PCDHGB5: variants seen among roughly 807,000 people sequenced by gnomAD.
The protein encoded by PCDHGB5 is protocadherin gamma subfamily B, 5.
A neutral mutation model predicts 62.9 loss-of-function variants in PCDHGB5; 48 were observed. That is an observed-to-expected ratio of 0.76 (90% CI 0.61 to 0.97). The LOEUF (loss-of-function observed/expected upper bound fraction) is 0.97. PCDHGB5 is among the 50% of genes least tolerant of loss of function. The pLI, the probability that PCDHGB5 is intolerant of heterozygous loss-of-function variation, is 0.00. For missense variants in PCDHGB5, 1,118 were observed against 1,198.6 expected (o/e 0.93, Z 0.99); for synonymous variants, 474 against 511.2 (o/e 0.93, Z 0.98).
At chr5:141,420,076 TC>T (rs2096464805) in intron 1 of PCDHGB5, 2 of 1,613,956 alleles carry the variant, frequency 1.2e-6, no homozygotes, top group East Asian at 2.2e-5. Flanking sequence ...GACCTGTGGG[TC>T]CCCCCAACTA....
intron 1 of PCDHGB5, chr5:141,405,379 G>T: frequency 1.2e-6 from 2 of 1,606,832 alleles, no homozygotes; most frequent in Non-Finnish European, 1.7e-6. Flanking sequence ...TGGTTCCGGT[G>T]AGTTCATTTT....
intron 1 of PCDHGB5, among the ~76,000 whole-genome samples, chr5:141,435,921 C>T (rs767290430): frequency 1.3e-5 from 2 of 152,186 alleles, no homozygotes; most frequent in Admixed American, 6.5e-5. Context: ...CTCTAAAATG[C>T]GGCAGTTGCT....
Position 141,491,140 on chromosome 5 carries a change from T to A in PCDHGB5, c.2398-3667T>A, listed in dbSNP as rs1392575961. On this transcript the variant is annotated intron_variant, in intron 1 of 3. Coordinates refer to ENST00000617380, the MANE Select transcript of PCDHGB5 (RefSeq NM_018925.3). This position sits in a 1 kb window ranked among gnomAD's most constrained non-coding sequence, Gnocchi z 6.9. ...TGGTGAGGTGCGCACAGCCCGGGCC[T>A]TACTGGAGGATGACTCTGACACCCA... 2 of 1,614,110 alleles carry A rather than the reference T, an allele frequency of 1.2e-6. No individual in the cohort carries two copies. Among genetic ancestry groups the A allele is most frequent in the Non-Finnish European group, 1.7e-6 (2 of 1,179,992 alleles).
chr5:141,443,699 A>G (rs1433844997), intron 1 of PCDHGB5, among the ~76,000 whole-genome samples: 1 of 152,248 alleles, frequency 6.6e-6, no homozygotes, highest in African/African-American at 2.4e-5. Flanking sequence ...AAAATTATAG[A>G]ATAACATTTG....
At chr5:141,410,903 G>C (rs191165984) in intron 1 of PCDHGB5, 2 of 276,978 alleles carry the variant, frequency 7.2e-6, no homozygotes, top group South Asian at 4.9e-5. Context: ...GCCTAGGCTG[G>C]AGTGCAGTGG....
At position 141,476,418 on chromosome 5, in the gene PCDHGB5, T is replaced by G. The variant is rs201255025; in HGVS notation, c.2398-18389T>G. ...GATCGAGAGGAGCTGTGTGGGACAC[T>G]GCCCTCTTGCACTGTAACTCTGGAG... On this transcript the variant is annotated intron_variant, in intron 1 of 3. Transcript: ENST00000617380. This position sits in a 1 kb window ranked among gnomAD's most constrained non-coding sequence, Gnocchi z 7.6. 8 of 1,614,122 alleles carry G rather than the reference T, an allele frequency of 5.0e-6. No homozygotes were observed. The highest frequency in any genetic ancestry group is 1.6e-4 in the Middle Eastern group (1 of 6,062).
At chr5:141,500,877 A>C (rs2099803156) in intron 2 of PCDHGB5, among the ~76,000 whole-genome samples, 1 of 122,292 alleles carries the variant, frequency 8.2e-6, no homozygotes, top group African/African-American at 3.9e-5. Flanking sequence ...TTCATTTACA[A>C]TTTTTTTTTT....
intron 2 of PCDHGB5, among the ~76,000 whole-genome samples, chr5:141,503,269 C>T (rs1161751693): frequency 6.6e-6 from 1 of 152,116 alleles, no homozygotes; most frequent in Non-Finnish European, 1.5e-5. Flanking sequence ...ACCCCAGCAC[C>T]TGGCTCTGTG....
At chr5:141,419,674 C>T (rs372932653) in intron 1 of PCDHGB5, 48 of 1,612,820 alleles carry the variant, frequency 3.0e-5, no homozygotes, top group Non-Finnish European at 3.7e-5. Context: ...CCTGGCTGTC[C>T]TACCACGTGG....
At chr5:141,405,488 C>A in intron 1 of PCDHGB5, 1 of 895,936 alleles carries the variant, frequency 1.1e-6, no homozygotes, top group Non-Finnish European at 1.7e-6. Context: ...GGTGTGATCT[C>A]GGCTCATTGC....
chr5:141,478,882 A>G, intron 1 of PCDHGB5: 1 of 1,200,164 alleles, frequency 8.3e-7, no homozygotes. Context: ...TTAGCTTGGT[A>G]TCATTTACAT....
At chr5:141,510,682 GA>G (rs1303501817) in intron 3 of PCDHGB5, among the ~76,000 whole-genome samples, 6 of 152,154 alleles carry the variant, frequency 3.9e-5, no homozygotes, top group Non-Finnish European at 8.8e-5. Flanking sequence ...GTGGCATAAG[GA>G]GGTTAGGTAG....
chr5:141,410,849 C>CTTTT lies in PCDHGB5; in HGVS notation c.2397+10344_2397+10347dup, dbSNP rs759346998. The CTTTT allele has an allele frequency of 9.0e-3, 1,245 of 137,660 alleles. 106 individuals are homozygous for CTTTT. The highest frequency in any genetic ancestry group is 0.023 in the African/African-American group (378 of 16,590). 8.5% of individuals were successfully genotyped at this position (137,660 alleles called of 1,614,324 possible). On this transcript the variant is annotated intron_variant, in intron 1 of 3. Coordinates refer to ENST00000617380, the MANE Select transcript of PCDHGB5 (RefSeq NM_018925.3). The stretch of plus-strand genomic sequence containing the variant: ...CAGACTGAAGATATTTTGTCTTTGT[C>CTTTT]TTTTTTTTTTTTTTTTTTTTTTGAG...
intron 3 of PCDHGB5, among the ~76,000 whole-genome samples, chr5:141,506,485 A>C (rs2154593953): frequency 6.6e-6 from 1 of 150,572 alleles, no homozygotes; most frequent in East Asian, 2.0e-4. Flanking sequence ...CTTTAGAGGC[A>C]GGCCAATCTG....
intron 1 of PCDHGB5, chr5:141,410,258 G>T: frequency 6.2e-7 from 1 of 1,614,022 alleles, no homozygotes; most frequent in Non-Finnish European, 8.5e-7. Flanking sequence ...TGACCCCCAG[G>T]CTGAACTGCA....
intron 3 of PCDHGB5, among the ~76,000 whole-genome samples, chr5:141,510,272 T>TA (rs546154379): frequency 0.17 from 22,022 of 130,294 alleles, 2,255 homozygotes; most frequent in African/African-American, 0.28. Flanking sequence ...GACTCCATCT[T>TA]AAAAAAAAAA....
At chr5:141,473,168 A>G (rs1026233643) in intron 1 of PCDHGB5, among the ~76,000 whole-genome samples, 2 of 152,218 alleles carry the variant, frequency 1.3e-5, no homozygotes, top group Admixed American at 1.3e-4. Context: ...AGGAAGGCCC[A>G]CTGGTAACTT....
intron 2 of PCDHGB5, among the ~76,000 whole-genome samples, chr5:141,505,180 A>G (rs1435197883): frequency 6.6e-6 from 1 of 152,200 alleles, no homozygotes; most frequent in Non-Finnish European, 1.5e-5. Context: ...AGAAAAAAGC[A>G]TCGGAGGCAG....
intron 1 of PCDHGB5, among the ~76,000 whole-genome samples, chr5:141,470,825 C>A (rs557419577): frequency 6.6e-6 from 1 of 152,182 alleles, no homozygotes; most frequent in Admixed American, 6.5e-5. Context: ...GTAGTTAGGA[C>A]GACAAACACA....
Sources: allele counts gnomAD v4.1 joint callset (sites outside exome capture counted in the v4.1 genomes callset), GRCh38; gene constraint gnomAD v4.1.1; non-coding constraint Gnocchi (gnomAD v3.1); transcripts MANE v1.5; gene names NCBI Gene and HGNC (gene_info 2026-07-23, HGNC 2026-07-21).